The following RARA variants were observed in gnomAD, a reference collection of about 807,000 sequenced individuals.
The protein encoded by RARA is PML-DDX5-RARA fusion.
In RARA, 5 loss-of-function variants were observed where a neutral mutation model predicts 42.8. The observed-to-expected ratio is 0.12, with a 90% confidence interval of 0.06 to 0.25. The LOEUF is 0.25. Among genes scored for constraint, RARA ranks in the 10% least tolerant of loss-of-function variants. The pLI is 1.00. For synonymous variants in RARA, 256 were observed against 259.5 expected, an observed-to-expected ratio of 0.99 and a Z score of 0.13; for missense variants, 402 against 628.7, an observed-to-expected ratio of 0.64 and a Z score of 3.86.
chr17:40,333,198 C>T (rs561311557), intron 2 of RARA, among the ~76,000 whole-genome samples: 29 of 152,154 alleles, frequency 1.9e-4, no homozygotes, highest in African/African-American at 5.3e-4. Context: ...TACAGGCGTA[C>T]GCCACCATGC....
intron 2 of RARA, among the ~76,000 whole-genome samples, chr17:40,337,898 C>CAGGCGGAGGGACAGCT (rs1567754587): frequency 1.3e-5 from 2 of 152,002 alleles, no homozygotes; most frequent in East Asian, 3.9e-4. Flanking sequence ...GAGGGACAGC[C>CAGGCGGAGGGACAGCT]CAGGCGGAGG....
At chr17:40,335,126 A>G (rs1567753289) in intron 2 of RARA, among the ~76,000 whole-genome samples, 1 of 151,806 alleles carries the variant, frequency 6.6e-6, no homozygotes, top group Non-Finnish European at 1.5e-5. Context: ...GTATTGGGTG[A>G]GAGGGTTAGA....
intron 2 of RARA, among the ~76,000 whole-genome samples, chr17:40,347,004 G>T (rs530645929): frequency 9.2e-5 from 14 of 152,350 alleles, no homozygotes; most frequent in South Asian, 4.1e-4. Flanking sequence ...TGCAGGTAAG[G>T]GGGGAGGGTG....
In RARA at chr17:40,354,697, AG is replaced by A. The variant is rs1390912621; in HGVS notation, c.1012+194del. ...CCGATTTCTGGGCAACACCCCTTCT[AG>A]GGAGGTTAAGAGTGAGGGTTTGAGG... On this transcript the variant is annotated intron_variant, in intron 7 of 8. Transcript: ENST00000254066. This position sits in a 1 kb window ranked among gnomAD's most constrained non-coding sequence, Gnocchi z 4.5. Among the ~76,000 whole-genome samples, 1 of 152,080 alleles carries A rather than the reference AG, an allele frequency of 6.6e-6. No homozygotes were observed. The highest frequency in any genetic ancestry group is 1.5e-5 in the Non-Finnish European group (1 of 68,002).
At chr17:40,315,807 T>G (rs901034134) in intron 1 of RARA, among the ~76,000 whole-genome samples, 1 of 152,102 alleles carries the variant, frequency 6.6e-6, no homozygotes, top group Non-Finnish European at 1.5e-5. Flanking sequence ...TTCCTCTAGT[T>G]TGAAGAGGGA....
Position 40,356,150 on chromosome 17 carries a change from C to A in RARA, c.1313C>A (p.Ala438Asp). ...GGGGGGCGGGACGGGGGTGGCCTGG[C>A]CCCCCCGCCAGGCAGCTGTAGCCCC... is the stretch of plus-strand genomic sequence containing the variant. ...GGGGRDGGGL[A>D]PPPGSCSPSL... is the part of the protein sequence containing the mutation. The change falls in exon 9 of 9, where the codon GCC (alanine) becomes GAC (aspartate). Residue 438 changes from alanine to aspartate, a missense_variant. Physicochemically the swap from Ala to Asp is moderately radical, Grantham distance 126 (BLOSUM62 -2). Transcript: ENST00000254066. 4 of 1,551,838 alleles carry A rather than the reference C, an allele frequency of 2.6e-6. No individual in the cohort carries two copies. The highest frequency in any genetic ancestry group is 2.0e-5 in the Admixed American group (1 of 51,210).
At position 40,352,848 on chromosome 17, in the gene RARA, G is replaced by T. The variant is rs1353645768; in HGVS notation, c.807+341G>T. On this transcript the variant is annotated intron_variant, in intron 6 of 8. Coordinates refer to ENST00000254066, the MANE Select transcript of RARA (RefSeq NM_000964.4). This position sits in a 1 kb window ranked among gnomAD's most constrained non-coding sequence, Gnocchi z 4.9. ...CCAGCACTTTGGGAGGCCGAGCGAGGCAGGAGGATCACTTGAGGCTGGAAG... is the reference window on the plus strand; with the variant it reads ...CCAGCACTTTGGGAGGCCGAGCGAGTCAGGAGGATCACTTGAGGCTGGAAG... Among the ~76,000 whole-genome samples, 1 of 152,164 alleles carries T rather than the reference G, an allele frequency of 6.6e-6. No homozygotes were observed. Among genetic ancestry groups the T allele is most frequent in the Admixed American group, 6.5e-5 (1 of 15,282 alleles).
chr17:40,354,547 G>T lies in RARA; in HGVS notation c.1012+41G>T, dbSNP rs367682724. On this transcript the variant is annotated intron_variant, in intron 7 of 8. Coordinates refer to ENST00000254066, the MANE Select transcript of RARA (RefSeq NM_000964.4). The surrounding 1 kb of genome is among the most constrained non-coding windows in gnomAD (Gnocchi z 4.5). ...GGGTCTGGGGGCTGGGCTGGGACGG[G>T]GGTGCAGCCCTGGAGTCTCTTCCAG... is the stretch of plus-strand genomic sequence containing the variant. 3.0e-5 allele frequency: 48 copies of T among 1,590,498 alleles called. No homozygotes were observed. Among genetic ancestry groups the T allele is most frequent in the Non-Finnish European group, 3.7e-5 (43 of 1,164,140 alleles).
rs115635151 is a variant in RARA, at chr17:40,356,571, G to A, written c.*345G>A. 524 of 570,592 alleles carry A rather than the reference G, an allele frequency of 9.2e-4. 1 individual carries two copies. The highest frequency in any genetic ancestry group is 9.0e-3 in the African/African-American group (496 of 55,218). 35.3% of individuals were successfully genotyped at this position (570,592 alleles called of 1,614,324 possible). On this transcript the variant is annotated 3_prime_UTR_variant, in exon 9 of 9. Coordinates refer to ENST00000254066, the MANE Select transcript of RARA (RefSeq NM_000964.4). ...CATCTTCATCACCAGCAAACGCCAG[G>A]ACTTGGCTCCCCCATCCTCAGAACT...
chr17:40,342,164 G>T (rs1379111958), intron 2 of RARA: 1 of 1,048,240 alleles, frequency 9.5e-7, no homozygotes, highest in Non-Finnish European at 1.2e-6. Flanking sequence ...GGGGGCCGTG[G>T]CGCGTACCAC....
At chr17:40,341,995 C>G in intron 2 of RARA, 1 of 1,104,380 alleles carries the variant, frequency 9.1e-7, no homozygotes, top group Non-Finnish European at 1.1e-6. Context: ...CCCCCACTTG[C>G]CTGTCCACAT....
chr17:40,341,433 A>G, intron 2 of RARA: 9 of 1,525,374 alleles, frequency 5.9e-6, no homozygotes, highest in Non-Finnish European at 7.9e-6. Context: ...TCATTCCGAC[A>G]CAGCGTCCGA....
At chr17:40,353,731 A>G (rs535098828) in intron 6 of RARA, among the ~76,000 whole-genome samples, 2 of 152,230 alleles carry the variant, frequency 1.3e-5, no homozygotes, top group East Asian at 1.9e-4. Flanking sequence ...TCATTTCTCC[A>G]TGGGCACCTC....
rs373500716 is a variant in RARA at position 40,320,270 on chromosome 17, C to T, written c.-362-10587C>T. ...TATCCCTTCAGTCTGACCCTAAATG[C>T]ACCGGCTGCCACCCTGGGACACCTT... On this transcript the variant is annotated intron_variant, in intron 1 of 8. Coordinates refer to ENST00000254066, the MANE Select transcript of RARA (RefSeq NM_000964.4). This position sits in a 1 kb window ranked among gnomAD's most constrained non-coding sequence, Gnocchi z 4.1. Among the ~76,000 whole-genome samples the T allele has an allele frequency of 6.6e-6, 1 of 152,126 alleles. No homozygotes were observed. Among genetic ancestry groups the T allele is most frequent in the African/African-American group, 2.4e-5 (1 of 41,396 alleles).
At chr17:40,335,742 C>T (rs941697287) in intron 2 of RARA, among the ~76,000 whole-genome samples, 3 of 151,900 alleles carry the variant, frequency 2.0e-5, no homozygotes, top group African/African-American at 7.3e-5. Flanking sequence ...CGTGCAGTGG[C>T]GCCTGCCTGT....
intron 1 of RARA, among the ~76,000 whole-genome samples, chr17:40,315,155 TATATATATATATATATAC>T (rs1403381254): frequency 1.5e-5 from 2 of 133,978 alleles, no homozygotes; most frequent in African/African-American, 5.8e-5. Flanking sequence ...TATATATATA[TATATATATATATATATAC>T]ACACACACAC....
At chr17:40,323,957 G>A (rs1482586190) in intron 1 of RARA, among the ~76,000 whole-genome samples, 2 of 152,106 alleles carry the variant, frequency 1.3e-5, no homozygotes, top group East Asian at 3.9e-4. Context: ...GGCATACGCA[G>A]GGTTGGGCTG....
At chr17:40,310,174 G>C (rs1398578551) in intron 1 of RARA, among the ~76,000 whole-genome samples, 1 of 152,188 alleles carries the variant, frequency 6.6e-6, no homozygotes, top group Non-Finnish European at 1.5e-5. Flanking sequence ...AGAGCTACAA[G>C]GTCCCCAAGC....
At chr17:40,349,683 G>A in intron 3 of RARA, 101 bp from the exon 4 acceptor site, 6 of 1,469,924 alleles carry the variant, frequency 4.1e-6, no homozygotes, top group African/African-American at 1.4e-5. Flanking sequence ...ACGCTTGGGG[G>A]CAGCAGCTGG....
Sources: gnomAD v4.1 joint callset for allele counts (sites outside exome capture counted in the v4.1 genomes callset) on GRCh38, gnomAD v4.1.1 for gene constraint, Gnocchi (gnomAD v3.1) non-coding constraint, MANE v1.5 for transcripts, NCBI Gene and HGNC (gene_info 2026-07-23, HGNC 2026-07-21) for gene names.